Variants in DPYD observed in about 807,000 individuals in gnomAD.
DPYD encodes the protein dihydropyrimidine dehydrogenase.
In DPYD, 109 loss-of-function variants were observed where a neutral mutation model predicts 116.2. The observed-to-expected ratio is 0.94, with a 90% CI of 0.80 to 1.10. The LOEUF is 1.10. Ranked by LOEUF, DPYD falls within the 50% of genes least tolerant of loss-of-function variation. The pLI is 0.00. For missense variants in DPYD, 1,302 were observed against 1,254.5 expected (o/e 1.04, Z -0.57); for synonymous variants, 440 against 432.0 (o/e 1.02, Z -0.23).
At chr1:97,767,637 G>T (rs2101148038) in intron 3 of DPYD, among the ~76,000 whole-genome samples, 1 of 151,940 alleles carries the variant, frequency 6.6e-6, no homozygotes, top group East Asian at 1.9e-4. Flanking sequence ...CCAAATGTGT[G>T]AAAGAGTTCA....
intron 1 of DPYD, among the ~76,000 whole-genome samples, chr1:97,890,673 T>C (rs1240768786): frequency 1.3e-5 from 2 of 151,982 alleles, no homozygotes; most frequent in African/African-American, 4.8e-5. Context: ...ATCTCATCCA[T>C]TAATTCAAAT....
In DPYD at chr1:97,419,743, T is replaced by C. The variant is rs533075420; in HGVS notation, c.1905+30316A>G. 3.3e-5 allele frequency among the ~76,000 whole-genome samples: 5 copies of C among 152,306 alleles called. No individual in the cohort carries two copies. In the South Asian group the frequency reaches 8.3e-4, roughly 25 times the overall value. On this transcript the variant is annotated intron_variant, in intron 14 of 22. Coordinates refer to ENST00000370192, the MANE Select transcript of DPYD (RefSeq NM_000110.4). ...ACATTAAAAAATACCACAGTAAACA[T>C]GGGTTTATACCTATGTTGGCAATTT... is the stretch of plus-strand genomic sequence containing the variant.
In DPYD at chr1:97,920,966, T is replaced by G. The variant is rs765165101; in HGVS notation, c.-44A>C. On this transcript the variant is annotated 5_prime_UTR_variant, in exon 1 of 23. Coordinates refer to ENST00000370192, the MANE Select transcript of DPYD (RefSeq NM_000110.4). ...GAGTCTGCCAGTGACAAACCCTCCTTGCGTCCTCAAGCTCCAGCCAGAGAG... is the reference window on the plus strand; with the variant it reads ...GAGTCTGCCAGTGACAAACCCTCCTGGCGTCCTCAAGCTCCAGCCAGAGAG... The G allele has an allele frequency of 1.3e-6, 2 of 1,562,010 alleles. No individual in the cohort carries two copies. The highest frequency in any genetic ancestry group is 2.4e-5 in the East Asian group (1 of 41,256).
At chr1:97,208,500 G>T (rs550357417) in intron 19 of DPYD, among the ~76,000 whole-genome samples, 19 of 151,890 alleles carry the variant, frequency 1.3e-4, no homozygotes, top group African/African-American at 4.3e-4. Flanking sequence ...TGCCCAGGCT[G>T]ATCTTGAACT....
chr1:97,505,675 CACAA>C (rs1326087001), intron 13 of DPYD, among the ~76,000 whole-genome samples: 5 of 151,948 alleles, frequency 3.3e-5, no homozygotes, highest in African/African-American at 4.8e-5. Flanking sequence ...TATACACACA[CACAA>C]ACACACACTC....
intron 13 of DPYD, among the ~76,000 whole-genome samples, chr1:97,463,077 T>C (rs989155617): frequency 2.0e-5 from 3 of 152,224 alleles, no homozygotes; most frequent in Admixed American, 6.5e-5. Context: ...TTGTCCTGCC[T>C]TTCTGGACCA....
At chr1:97,334,840 A>G (rs763595679) in intron 16 of DPYD, among the ~76,000 whole-genome samples, 4 of 151,862 alleles carry the variant, frequency 2.6e-5, no homozygotes, top group Non-Finnish European at 5.9e-5. Flanking sequence ...GAGAACAAAT[A>G]GACTTGATGA....
rs1667157215 is a variant in DPYD, at chr1:97,306,246, T to C, written c.2110A>G (p.Ile704Val). 3.7e-6 allele frequency: 6 copies of C among 1,612,512 alleles called. No homozygotes were observed. Among genetic ancestry groups the C allele is most frequent in the Non-Finnish European group, 5.1e-6 (6 of 1,178,910 alleles). ...ICRWVRQAVQIPFFAKLTPNV... is the reference protein window; with the variant it reads ...ICRWVRQAVQVPFFAKLTPNV... Reference sequence around the variant, plus strand: ...GGGGTCAGCTTGGCAAAAAAAGGAATCTGAACAGCTTGCCTAACCCAGCGG... The same window carrying C: ...GGGGTCAGCTTGGCAAAAAAAGGAACCTGAACAGCTTGCCTAACCCAGCGG... Residue 704 changes from isoleucine (I) to valine (V), a missense_variant, in exon 17 of 23, where the codon ATT becomes GTT. Transcript: ENST00000370192.
intron 20 of DPYD, among the ~76,000 whole-genome samples, chr1:97,158,586 TG>T (rs1655665062): frequency 6.6e-6 from 1 of 150,546 alleles, no homozygotes; most frequent in South Asian, 2.1e-4. Flanking sequence ...AATTGGCACC[TG>T]GAAGAAGGGA....
chr1:97,519,770 A>G (rs762154485), intron 12 of DPYD, among the ~76,000 whole-genome samples: 46 of 152,206 alleles, frequency 3.0e-4, no homozygotes, highest in East Asian at 7.7e-4. Context: ...TTCTTAAGCC[A>G]CCCCTCAGAA....
At chr1:97,599,593 T>C (rs1420295055) in intron 8 of DPYD, among the ~76,000 whole-genome samples, 1 of 151,998 alleles carries the variant, frequency 6.6e-6, no homozygotes, top group Admixed American at 6.6e-5. Flanking sequence ...AAAGGATTCA[T>C]CTGAATGACA....
chr1:97,163,698 C>T (rs1656096664), intron 20 of DPYD, among the ~76,000 whole-genome samples: 1 of 152,076 alleles, frequency 6.6e-6, no homozygotes, highest in African/African-American at 2.4e-5. Flanking sequence ...GAAAGTGTTC[C>T]CTTCACCCTC....
intron 13 of DPYD, among the ~76,000 whole-genome samples, chr1:97,505,689 C>A (rs958213731): frequency 1.3e-5 from 2 of 151,582 alleles, no homozygotes; most frequent in African/African-American, 2.4e-5. Flanking sequence ...AACACACACT[C>A]GAAAAATAGT....
chr1:97,310,660 G>A (rs896224353), intron 16 of DPYD, among the ~76,000 whole-genome samples: 1 of 151,622 alleles, frequency 6.6e-6, no homozygotes, highest in Admixed American at 6.6e-5. Context: ...TATTCTAAAG[G>A]TGGTCCAACC....
At chr1:97,314,807 A>G (rs1037617786) in intron 16 of DPYD, among the ~76,000 whole-genome samples, 6 of 151,914 alleles carry the variant, frequency 3.9e-5, no homozygotes, top group Admixed American at 1.3e-4. Context: ...TGGCCATGGT[A>G]ATGAAGTTTG....
intron 5 of DPYD, among the ~76,000 whole-genome samples, chr1:97,712,458 T>C (rs1027092451): frequency 2.6e-5 from 4 of 152,102 alleles, no homozygotes; most frequent in Non-Finnish European, 4.4e-5. Context: ...TATTATTTTA[T>C]ACATATTAAT....
At chr1:97,808,026 G>C (rs1305874448) in intron 3 of DPYD, among the ~76,000 whole-genome samples, 1 of 152,224 alleles carries the variant, frequency 6.6e-6, no homozygotes, top group East Asian at 1.9e-4. Context: ...CAGCTTTACA[G>C]TAAGTCTTAA....
chr1:97,136,733 T>C (rs1170687375), intron 20 of DPYD, among the ~76,000 whole-genome samples: 1 of 152,102 alleles, frequency 6.6e-6, no homozygotes, highest in Non-Finnish European at 1.5e-5. Context: ...AAAAACACTG[T>C]CAGTAAAAAT....
chr1:97,672,396 T>C (rs1052323487), intron 8 of DPYD, among the ~76,000 whole-genome samples: 2 of 152,168 alleles, frequency 1.3e-5, no homozygotes, highest in Admixed American at 6.6e-5. Context: ...AGTAATGATT[T>C]AATGAACTCT....
Sources: allele counts gnomAD v4.1 joint callset (sites outside exome capture counted in the v4.1 genomes callset), GRCh38; gene constraint gnomAD v4.1.1; transcripts MANE v1.5; gene names NCBI Gene and HGNC (gene_info 2026-07-23, HGNC 2026-07-21).